Variants in PCSK5 observed in about 807,000 individuals in gnomAD.
PCSK5 encodes the protein prohormone convertase 5.
Under a neutral mutation model 233.2 loss-of-function variants are expected in PCSK5, and 129 were observed. The observed-to-expected ratio is 0.55, with a 90% CI of 0.48 to 0.64. PCSK5 has a LOEUF of 0.64. Ranked by LOEUF, PCSK5 falls within the 30% of genes least tolerant of loss-of-function variation. PCSK5 has a pLI of 0.00. For missense variants in PCSK5, 2,076 were observed against 2,430.1 expected, an observed-to-expected ratio of 0.85 and a Z score of 3.06; for synonymous variants, 825 against 879.2, an observed-to-expected ratio of 0.94 and a Z score of 1.09.
chr9:76,000,309 G>T (rs1359944537), intron 3 of PCSK5, among the ~76,000 whole-genome samples: 1 of 152,138 alleles, frequency 6.6e-6, no homozygotes, highest in African/African-American at 2.4e-5. Context: ...AGAGCAAAAG[G>T]CTCAAATTCA....
intron 1 of PCSK5, among the ~76,000 whole-genome samples, chr9:75,919,316 A>G (rs1823141394): frequency 6.6e-6 from 1 of 152,240 alleles, no homozygotes; most frequent in Admixed American, 6.5e-5. Context: ...ATTGATGAGC[A>G]GTATGACATT....
At chr9:76,046,160 GTTTTTTTTTTTTT>G (rs71372041) in intron 5 of PCSK5, among the ~76,000 whole-genome samples, 144 of 57,986 alleles carry the variant, frequency 2.5e-3, no homozygotes, top group East Asian at 4.6e-3. Context: ...TTTTTCTTTT[GTTTTTTTTTTTTT>G]TTTTTTTTTT....
At chr9:76,175,559 T>G in intron 14 of PCSK5, 1 of 231,922 alleles carries the variant, frequency 4.3e-6, no homozygotes, top group Middle Eastern at 1.3e-3. Flanking sequence ...CATCATTATT[T>G]ATCAATCTTT....
intron 8 of PCSK5, among the ~76,000 whole-genome samples, chr9:76,104,947 A>G (rs1831917129): frequency 6.6e-6 from 1 of 152,234 alleles, no homozygotes; most frequent in South Asian, 2.1e-4. Context: ...CTTAGGGACC[A>G]GGGCTTTGGA....
At chr9:76,031,312 C>T (rs1209599457) in intron 5 of PCSK5, among the ~76,000 whole-genome samples, 1 of 152,126 alleles carries the variant, frequency 6.6e-6, no homozygotes. Flanking sequence ...AGCCTTGGCT[C>T]TCCTTGATTA....
intron 34 of PCSK5, among the ~76,000 whole-genome samples, chr9:76,336,719 T>A (rs1055679438): frequency 2.0e-5 from 3 of 152,226 alleles, no homozygotes; most frequent in African/African-American, 7.2e-5. Context: ...TTATTTATAA[T>A]GTGCCCATCA....
intron 20 of PCSK5, among the ~76,000 whole-genome samples, chr9:76,198,591 A>T (rs1387561767): frequency 6.6e-6 from 1 of 152,194 alleles, no homozygotes; most frequent in East Asian, 1.9e-4. Flanking sequence ...GCAAGTCCAC[A>T]TCACATATGT....
At chr9:76,146,984 C>T (rs1210678504) in intron 10 of PCSK5, among the ~76,000 whole-genome samples, 2 of 152,084 alleles carry the variant, frequency 1.3e-5, no homozygotes, top group African/African-American at 4.8e-5. Flanking sequence ...TCCCCTCAGC[C>T]TCTCATTTTG....
At chr9:76,062,897 C>T (rs1043750549) in intron 5 of PCSK5, among the ~76,000 whole-genome samples, 3 of 152,082 alleles carry the variant, frequency 2.0e-5, no homozygotes, top group African/African-American at 7.2e-5. Flanking sequence ...AGACCTTATT[C>T]CTAATATCTG....
chr9:76,083,288 C>CTT (rs1021374086), intron 7 of PCSK5, among the ~76,000 whole-genome samples: 1 of 149,126 alleles, frequency 6.7e-6, no homozygotes, highest in Non-Finnish European at 1.5e-5. Context: ...TTATCTTAGT[C>CTT]TTTTTTTCTG....
In PCSK5 at chr9:76,157,036, T is replaced by C; in HGVS notation, c.1313-9T>C. ...TTAGTGAAGCTGACCAGTCTCTCGC[T>C]TTCCACAGTGAGCCATCTTTATGGA... On this transcript the variant is annotated splice_polypyrimidine_tract_variant and intron_variant, in intron 10 of 37. Coordinates refer to ENST00000674117, the MANE Select transcript of PCSK5 (RefSeq NM_001372043.1). The C allele has an allele frequency of 6.2e-7, 1 of 1,604,342 alleles. No homozygotes were observed. Among genetic ancestry groups the C allele is most frequent in the Admixed American group, 1.7e-5 (1 of 60,004 alleles).
chr9:75,946,970 G>C (rs1824604752), intron 2 of PCSK5, among the ~76,000 whole-genome samples: 1 of 152,180 alleles, frequency 6.6e-6, no homozygotes, highest in Non-Finnish European at 1.5e-5. Flanking sequence ...AGATGGACTT[G>C]AGATTAACTT....
intron 24 of PCSK5, among the ~76,000 whole-genome samples, chr9:76,284,851 A>G (rs1828012411): frequency 6.6e-6 from 1 of 152,046 alleles, no homozygotes; most frequent in African/African-American, 2.4e-5. Context: ...TTTCTTTTAA[A>G]TTACCCAGTC....
intron 9 of PCSK5, among the ~76,000 whole-genome samples, chr9:76,119,008 G>A (rs1832536161): frequency 6.6e-6 from 1 of 151,478 alleles, no homozygotes; most frequent in Non-Finnish European, 1.5e-5. Context: ...ACCAAATAAT[G>A]TTTTTTCTAA....
intron 7 of PCSK5, among the ~76,000 whole-genome samples, chr9:76,089,413 G>A (rs137856528): frequency 2.6e-5 from 4 of 152,116 alleles, no homozygotes; most frequent in Non-Finnish European, 5.9e-5. Flanking sequence ...GCAGGGTCTC[G>A]ACCTCTTGTC....
At chr9:75,974,454 C>A (rs1395542854) in intron 2 of PCSK5, among the ~76,000 whole-genome samples, 1 of 152,208 alleles carries the variant, frequency 6.6e-6, no homozygotes, top group African/African-American at 2.4e-5. Context: ...AAATGCCAAT[C>A]CCTTTCCCTT....
At chr9:76,042,854 G>A (rs1357647345) in intron 5 of PCSK5, among the ~76,000 whole-genome samples, 3 of 152,166 alleles carry the variant, frequency 2.0e-5, no homozygotes, top group Non-Finnish European at 4.4e-5. Context: ...TAATGAACGT[G>A]CATCGCAACA....
At chr9:76,152,173 T>C (rs1235036772) in intron 10 of PCSK5, among the ~76,000 whole-genome samples, 3 of 152,166 alleles carry the variant, frequency 2.0e-5, no homozygotes, top group African/African-American at 7.2e-5. Context: ...TCTCTCTCCA[T>C]AGTACTGTCA....
intron 32 of PCSK5, among the ~76,000 whole-genome samples, chr9:76,324,205 C>T (rs1257037572): frequency 1.3e-5 from 2 of 151,132 alleles, no homozygotes; most frequent in East Asian, 3.9e-4. Flanking sequence ...GGATAATAAG[C>T]GTGAGCCATG....
Sources: allele counts gnomAD v4.1 joint callset (sites outside exome capture counted in the v4.1 genomes callset), GRCh38; gene constraint gnomAD v4.1.1; transcripts MANE v1.5; gene names NCBI Gene and HGNC (gene_info 2026-07-23, HGNC 2026-07-21).